ELFN2: variants seen among roughly 807,000 people sequenced by gnomAD.
ELFN2 encodes the protein protein phosphatase 1 regulatory subunit 29.
ELFN2 carries 17 observed loss-of-function variants against 45.5 expected under a neutral mutation model. The ratio of observed to expected loss-of-function variants is 0.37; its 90% confidence interval spans 0.26 to 0.56. The LOEUF (loss-of-function observed/expected upper bound fraction) is 0.56. Ranked by LOEUF, ELFN2 falls within the 20% of genes least tolerant of loss-of-function variation. ELFN2 has a pLI of 0.77. For missense variants in ELFN2, 922 were observed against 1,183.2 expected, an observed-to-expected ratio of 0.78 and a Z score of 3.24; for synonymous variants, 550 against 551.5, an observed-to-expected ratio of 1.00 and a Z score of 0.04.
At position 37,386,623 on chromosome 22, in the gene ELFN2, G is replaced by A. The variant is rs532820863; in HGVS notation, c.-462-10627C>T. On this transcript the variant is annotated intron_variant, in intron 2 of 2. Coordinates refer to ENST00000402918, the MANE Select transcript of ELFN2 (RefSeq NM_052906.5). ...CTGACGGCCGCCTCTGAGGCTACGG[G>A]GGGCCTGCAGCTGCAGCAGCAGAGA... Among the ~76,000 whole-genome samples, 377 of 152,336 alleles carry A rather than the reference G, an allele frequency of 2.5e-3. 2 individuals are homozygous for A. The highest frequency in any genetic ancestry group is 3.6e-3 in the Non-Finnish European group (245 of 68,020).
chr22:37,395,584 C>A (rs1369735846), intron 2 of ELFN2, among the ~76,000 whole-genome samples: 1 of 152,282 alleles, frequency 6.6e-6, no homozygotes, highest in East Asian at 1.9e-4. Flanking sequence ...AGAGAGGCAC[C>A]CCTTGGCTGG....
chr22:37,408,438 C>CA (rs2145679253), intron 2 of ELFN2, among the ~76,000 whole-genome samples: 1 of 152,386 alleles, frequency 6.6e-6, no homozygotes, highest in African/African-American at 2.4e-5. Context: ...ACGGAATTCT[C>CA]ACAACAGCCC....
chr22:37,378,890 G>A (rs1008466636), intron 2 of ELFN2, among the ~76,000 whole-genome samples: 1 of 152,226 alleles, frequency 6.6e-6, no homozygotes, highest in Non-Finnish European at 1.5e-5. Context: ...CTCAAGGTGT[G>A]GGGGGTGGGG....
At chr22:37,412,292 A>AAAAAAG (rs57769146) in intron 2 of ELFN2, among the ~76,000 whole-genome samples, 10,047 of 145,336 alleles carry the variant, frequency 0.069, 442 homozygotes, top group African/African-American at 0.1. Context: ...AAAAAAAAAA[A>AAAAAAG]AAAGAAAGAA....
At chr22:37,426,609 ACG>A (rs1287179362) in intron 1 of ELFN2, among the ~76,000 whole-genome samples, 1 of 126,004 alleles carries the variant, frequency 7.9e-6, no homozygotes, top group Admixed American at 8.6e-5. Flanking sequence ...CCACACACGC[ACG>A]CACACACACA....
Position 37,374,161 on chromosome 22 carries a change from C to T in ELFN2, c.1374G>A (p.Lys458=), listed in dbSNP as rs779274527. ...CGGGCAGCACGGGAGGCTCGCCCAGCTTCTGGGCGGCGTGCACAATGGAGC... is the reference window on the plus strand; with the variant it reads ...CGGGCAGCACGGGAGGCTCGCCCAGTTTCTGGGCGGCGTGCACAATGGAGC... ...DAGSIVHAAQ[K]LGEPPVLPVS... Residue 458 remains lysine, a synonymous_variant, in exon 3 of 3, where the codon AAG becomes AAA. Transcript: ENST00000402918. The T allele has an allele frequency of 1.4e-5, 22 of 1,613,150 alleles. No homozygotes were observed. The highest frequency in any genetic ancestry group is 1.9e-5 in the Non-Finnish European group (22 of 1,180,036).
chr22:37,345,417 A>G (rs763080), intron 1 of ELFN2, among the ~76,000 whole-genome samples: 67,154 of 152,012 alleles, frequency 0.44, 15,197 homozygotes, highest in Middle Eastern at 0.53. Context: ...CTTATGCATA[A>G]CATGCATTAA....
downstream of ELFN2, among the ~76,000 whole-genome samples, chr22:37,366,362 G>A (rs74711585): frequency 0.03 from 4,639 of 152,296 alleles, 244 homozygotes; most frequent in African/African-American, 0.11. Flanking sequence ...CATCCCGGAG[G>A]ACACTTCCAC....
In ELFN2 at chr22:37,373,355, C is replaced by A; in HGVS notation, c.2180G>T (p.Arg727Leu). The A allele has an allele frequency of 6.2e-7, 1 of 1,613,142 alleles. No homozygotes were observed. Among genetic ancestry groups the A allele is most frequent in the Non-Finnish European group, 8.5e-7 (1 of 1,179,952 alleles). Residue 727 changes from arginine (R) to leucine (L), a missense_variant, in exon 3 of 3, where the codon CGC becomes CTC. Around this residue, in one of 2 missense-constraint regions of ELFN2, gnomAD observed 564 missense variants for 642.8 expected, o/e 0.88. Coordinates refer to ENST00000402918, the MANE Select transcript of ELFN2 (RefSeq NM_052906.5). ...GGTCAGCGGCTTGAGGAAGGACACG[C>A]GCTGGCTCAGGCTGTCGGCACCCTC... ...YEEGADSLSQ[R>L]VSFLKPLTRS...
downstream of ELFN2, among the ~76,000 whole-genome samples, chr22:37,364,480 G>A (rs553784051): frequency 6.6e-6 from 1 of 152,324 alleles, no homozygotes; most frequent in African/African-American, 2.4e-5. Flanking sequence ...GCCAGCTGGG[G>A]CCCAGGCAGG....
chr22:37,394,745 G>A (rs2145663308), intron 2 of ELFN2, among the ~76,000 whole-genome samples: 1 of 152,298 alleles, frequency 6.6e-6, no homozygotes, highest in East Asian at 1.9e-4. Flanking sequence ...CTCCTCGCCT[G>A]GGACTGAGCA....
intron 2 of ELFN2, among the ~76,000 whole-genome samples, chr22:37,381,410 A>C (rs1390980806): frequency 6.6e-6 from 1 of 152,116 alleles, no homozygotes; most frequent in African/African-American, 2.4e-5. Flanking sequence ...ATTCCAGGCC[A>C]GCTGTGCTCC....
At chr22:37,387,978 C>G (rs752809894) in intron 2 of ELFN2, among the ~76,000 whole-genome samples, 22 of 151,826 alleles carry the variant, frequency 1.4e-4, no homozygotes, top group Non-Finnish European at 3.1e-4. Flanking sequence ...CTGCTTCTCT[C>G]CCAGTTCCCA....
chr22:37,364,156 A>G (rs1031675667), downstream of ELFN2, among the ~76,000 whole-genome samples: 3 of 152,026 alleles, frequency 2.0e-5, no homozygotes, highest in African/African-American at 7.2e-5. Flanking sequence ...GGGATCACCT[A>G]AGCCTCCCTT....
In ELFN2 at chr22:37,373,478, C is replaced by T. The variant is rs1931446097; in HGVS notation, c.2057G>A (p.Gly686Glu). ...GATGCCCCCGCCCCCGCCGCTGCCCCCGCCGCTGCCCGCCGGCACCAGCGG... is the reference window on the plus strand; with the variant it reads ...GATGCCCCCGCCCCCGCCGCTGCCCTCGCCGCTGCCCGCCGGCACCAGCGG... ...RLPLVPAGSG[G>E]GSGGGGGIHH... is the part of the protein sequence containing the mutation. Residue 686 changes from glycine to glutamate, a missense_variant, in exon 3 of 3, where the codon GGG (glycine) becomes GAG (glutamate). This residue lies in a region of ELFN2 where 564 missense variants were observed against 642.8 expected (regional missense o/e 0.88). Transcript: ENST00000402918. 6.5e-7 allele frequency: 1 copy of T among 1,541,336 alleles called. No individual in the cohort carries two copies. Among genetic ancestry groups the T allele is most frequent in the Non-Finnish European group, 8.7e-7 (1 of 1,145,466 alleles).
intron 2 of ELFN2, among the ~76,000 whole-genome samples, chr22:37,384,184 G>T (rs564947830): frequency 8.2e-4 from 125 of 152,124 alleles, no homozygotes; most frequent in African/African-American, 2.8e-3. Flanking sequence ...AAAGGTCTTG[G>T]CCTTGGCAAA....
chr22:37,407,265 A>G (rs1328109426), intron 2 of ELFN2, among the ~76,000 whole-genome samples: 2 of 152,184 alleles, frequency 1.3e-5, no homozygotes, highest in Non-Finnish European at 2.9e-5. Flanking sequence ...AATTCAGGCT[A>G]TACCACAAGC....
chr22:37,407,001 A>T (rs897280939), intron 2 of ELFN2, among the ~76,000 whole-genome samples: 3 of 152,268 alleles, frequency 2.0e-5, no homozygotes, highest in African/African-American at 7.2e-5. Flanking sequence ...GTGCCCCAGT[A>T]GGCATGCAGC....
downstream of ELFN2, among the ~76,000 whole-genome samples, chr22:37,365,497 G>C (rs1045063407): frequency 6.6e-6 from 1 of 152,212 alleles, no homozygotes; most frequent in African/African-American, 2.4e-5. Flanking sequence ...AAGGAAGCCT[G>C]CCCGGGCTGG....
Sources: allele counts gnomAD v4.1 joint callset (sites outside exome capture counted in the v4.1 genomes callset), GRCh38; gene constraint gnomAD v4.1.1; regional missense constraint gnomAD v4.1.1; transcripts MANE v1.5; gene names NCBI Gene and HGNC (gene_info 2026-07-23, HGNC 2026-07-21).